The following DTNB variants were observed in gnomAD, a reference collection of about 807,000 sequenced individuals.
DTNB encodes the protein dystrobrevin beta, also known as DTN-B.
In DTNB, 63 loss-of-function variants were observed where a neutral mutation model predicts 90.7. The observed-to-expected ratio is 0.69, with a 90% CI of 0.57 to 0.86. The LOEUF is 0.86. Ranked by LOEUF, DTNB falls within the 40% of genes least tolerant of loss-of-function variation. DTNB has a pLI of 0.00. For missense variants in DTNB, 744 were observed against 807.1 expected (o/e 0.92, Z 0.95); for synonymous variants, 277 against 286.7 (o/e 0.97, Z 0.34).
chr2:25,529,960 T>C lies in DTNB; in HGVS notation c.1001+1513A>G, dbSNP rs549859837. ...AGGAAAAGTAGACAGAAGGTGCTAATTTTCTGTTTACAAAGTGGAAGTCAA... is the reference window on the plus strand; with the variant it reads ...AGGAAAAGTAGACAGAAGGTGCTAACTTTCTGTTTACAAAGTGGAAGTCAA... On this transcript the variant is annotated intron_variant, in intron 9 of 20. Transcript: ENST00000406818. Among the ~76,000 whole-genome samples, 7 of 152,308 alleles carry C rather than the reference T, an allele frequency of 4.6e-5. No homozygotes were observed. The South Asian group carries it at 1.4e-3, about 32-fold the overall frequency.
intron 4 of DTNB, among the ~76,000 whole-genome samples, chr2:25,619,317 A>G (rs542600101): frequency 6.6e-6 from 1 of 152,346 alleles, no homozygotes; most frequent in African/African-American, 2.4e-5. Context: ...ACGTAATAAG[A>G]GCATCTCTCT....
intron 6 of DTNB, among the ~76,000 whole-genome samples, chr2:25,584,106 C>G (rs2061985836): frequency 6.6e-6 from 1 of 152,116 alleles, no homozygotes; most frequent in African/African-American, 2.4e-5. Context: ...TCAGGGAACC[C>G]CTGGAAGGTA....
In DTNB at chr2:25,577,016, G is replaced by A; in HGVS notation, c.710-12C>T. 1 of 1,589,142 alleles carries A rather than the reference G, an allele frequency of 6.3e-7. No individual in the cohort carries two copies. The highest frequency in any genetic ancestry group is 1.3e-5 in the African/African-American group (1 of 74,374). On this transcript the variant is annotated splice_polypyrimidine_tract_variant and intron_variant, in intron 7 of 20. Coordinates refer to ENST00000406818, the MANE Select transcript of DTNB (RefSeq NM_021907.5). The stretch of plus-strand genomic sequence containing the variant: ...CACGGGATGGAAGACTTGTGGACAG[G>A]AGAGAAAAGGGGAGAAAAAAGGGCA...
chr2:25,578,348 C>G (rs2061031379), intron 7 of DTNB, among the ~76,000 whole-genome samples: 1 of 152,172 alleles, frequency 6.6e-6, no homozygotes, highest in Non-Finnish European at 1.5e-5. Context: ...AGCATGTGCT[C>G]CAAATTAACT....
intron 10 of DTNB, among the ~76,000 whole-genome samples, chr2:25,457,982 C>T (rs902597798): frequency 4.6e-5 from 7 of 151,956 alleles, no homozygotes; most frequent in African/African-American, 1.7e-4. Context: ...TACAGGTGCA[C>T]GCCACCATGC....
At chr2:25,534,658 C>T (rs904212286) in intron 8 of DTNB, among the ~76,000 whole-genome samples, 15 of 145,778 alleles carry the variant, frequency 1.0e-4, no homozygotes, top group Non-Finnish European at 1.4e-4. Flanking sequence ...ACCTCCCAGA[C>T]GGGGTGGCGG....
chr2:25,458,567 G>T (rs529106589), intron 10 of DTNB, among the ~76,000 whole-genome samples: 66 of 151,888 alleles, frequency 4.3e-4, no homozygotes, highest in African/African-American at 1.6e-3. Flanking sequence ...CTCCTGGGCT[G>T]AAGCAATCCT....
chr2:25,662,689 C>CAG (rs1395727673), intron 1 of DTNB, among the ~76,000 whole-genome samples: 2 of 145,762 alleles, frequency 1.4e-5, no homozygotes, highest in Non-Finnish European at 3.0e-5. Flanking sequence ...CAAACACACA[C>CAG]ACACACACAC....
At chr2:25,427,385 T>C (rs2052154227) in intron 15 of DTNB, 150 bp downstream of exon 15, 2 of 627,922 alleles carry the variant, frequency 3.2e-6, no homozygotes, top group African/African-American at 1.9e-5. Flanking sequence ...ATGACTTTTA[T>C]ACCCAATTAG....
intron 8 of DTNB, among the ~76,000 whole-genome samples, chr2:25,539,567 A>C (rs1353325719): frequency 7.0e-6 from 1 of 143,636 alleles, no homozygotes; most frequent in East Asian, 2.0e-4. Context: ...ATAGGGTTGC[A>C]CTGGATTGCC....
intron 9 of DTNB, among the ~76,000 whole-genome samples, chr2:25,505,328 G>A (rs1011382168): frequency 2.6e-5 from 4 of 152,064 alleles, no homozygotes; most frequent in African/African-American, 9.7e-5. Context: ...AATGATAAAT[G>A]GATGCCTTCA....
chr2:25,490,998 C>A (rs1291004771), intron 9 of DTNB, among the ~76,000 whole-genome samples: 2 of 151,930 alleles, frequency 1.3e-5, no homozygotes, highest in African/African-American at 4.8e-5. Flanking sequence ...AACACTTCTC[C>A]AACCTTTTCA....
intron 4 of DTNB, among the ~76,000 whole-genome samples, chr2:25,626,337 T>C (rs1345124054): frequency 6.6e-6 from 1 of 152,180 alleles, no homozygotes; most frequent in Non-Finnish European, 1.5e-5. Context: ...ATAACAATTT[T>C]TACTAAGGGT....
At chr2:25,411,873 C>T (rs573728628) in intron 16 of DTNB, among the ~76,000 whole-genome samples, 7 of 152,200 alleles carry the variant, frequency 4.6e-5, no homozygotes, top group African/African-American at 1.7e-4. Flanking sequence ...AATCCTTTGC[C>T]TTTTGGGAAG....
Position 25,639,071 on chromosome 2 carries a change from G to A in DTNB, c.91C>T (p.Arg31Ter), listed in dbSNP as rs757108505. ...EMRAQNFDVIRLSTYRTACKL... is the reference protein window; with the variant it reads ...EMRAQNFDVI ...CAGGCTGTTCTGTAAGTTGATAGTC[G>A]TATGACATCAAAATTCTGAGCACCT... is the stretch of plus-strand genomic sequence containing the variant. The change falls in exon 3 of 21, where the codon CGA becomes TGA. Residue 31 changes from arginine to a stop codon, truncating the protein, a stop_gained. Coordinates refer to ENST00000406818, the MANE Select transcript of DTNB (RefSeq NM_021907.5). LOFTEE classifies it high-confidence loss of function. The A allele has an allele frequency of 1.8e-5, 29 of 1,586,416 alleles. No homozygotes were observed. Among genetic ancestry groups the A allele is most frequent in the Admixed American group, 1.0e-4 (6 of 57,426 alleles).
intron 16 of DTNB, among the ~76,000 whole-genome samples, chr2:25,402,924 T>C (rs916110538): frequency 5.9e-5 from 9 of 152,184 alleles, no homozygotes; most frequent in Admixed American, 5.9e-4. Flanking sequence ...TTATCTTTCT[T>C]AGTAGAAGGA....
intron 5 of DTNB, among the ~76,000 whole-genome samples, chr2:25,599,533 G>T (rs960956759): frequency 6.6e-6 from 1 of 151,766 alleles, no homozygotes; most frequent in African/African-American, 2.4e-5. Flanking sequence ...AGTAGAGACG[G>T]GGTTTCACCG....
intron 16 of DTNB, among the ~76,000 whole-genome samples, chr2:25,415,956 A>G (rs1004138437): frequency 2.6e-5 from 4 of 152,166 alleles, no homozygotes; most frequent in African/African-American, 9.7e-5. Context: ...CAAATTATTG[A>G]GCCTGAGGAA....
intron 6 of DTNB, among the ~76,000 whole-genome samples, chr2:25,585,343 G>A (rs2062187804): frequency 6.6e-6 from 1 of 152,082 alleles, no homozygotes; most frequent in African/African-American, 2.4e-5. Context: ...GATCCACTGA[G>A]CGAAACCACC....
Sources: allele counts gnomAD v4.1 joint callset (sites outside exome capture counted in the v4.1 genomes callset), GRCh38; gene constraint gnomAD v4.1.1; transcripts MANE v1.5; gene names NCBI Gene and HGNC (gene_info 2026-07-23, HGNC 2026-07-21).